The following FBL variants were observed in gnomAD, a reference collection of about 807,000 sequenced individuals.
The protein encoded by FBL is rRNA 2'-O-methyltransferase fibrillarin.
A neutral mutation model predicts 42.2 loss-of-function variants in FBL; 10 were observed. The observed-to-expected ratio is 0.24, with a 90% CI of 0.15 to 0.40. The LOEUF is 0.40. Among genes scored for constraint, FBL ranks in the 10% least tolerant of loss-of-function variants. The probability of loss-of-function intolerance (pLI) is 1.00; values close to 1 mark genes in which losing one functional copy is unlikely to be tolerated. For missense variants in FBL, 351 were observed against 439.2 expected (o/e 0.80, Z 1.79); for synonymous variants, 165 against 165.4 (o/e 1.00, Z 0.02).
At chr19:39,839,569 T>A (rs991886885) in intron 4 of FBL, among the ~76,000 whole-genome samples, 1 of 147,308 alleles carries the variant, frequency 6.8e-6, no homozygotes, top group Non-Finnish European at 1.5e-5. Flanking sequence ...ACATGGCATA[T>A]GAGATGGTGA....
Position 39,846,336 on chromosome 19 carries a change from G to A in FBL, c.-36C>T, listed in dbSNP as rs749859989. ...GGTTTGTGCGGCTCCGGAGTCCGCG[G>A]CGTTCACAACTCCACGAGTCCGGGG... is the stretch of plus-strand genomic sequence containing the variant. On this transcript the variant is annotated 5_prime_UTR_variant, in exon 1 of 9. Coordinates refer to ENST00000221801, the MANE Select transcript of FBL (RefSeq NM_001436.4). 2 of 1,612,366 alleles carry A rather than the reference G, an allele frequency of 1.2e-6. No individual in the cohort carries two copies. Among genetic ancestry groups the A allele is most frequent in the East Asian group, 2.2e-5 (1 of 44,786 alleles).
At chr19:39,846,266 C>A (rs770428417) in intron 1 of FBL, 25 bp downstream of exon 1, 8 of 1,613,568 alleles carry the variant, frequency 5.0e-6, no homozygotes, top group African/African-American at 1.3e-5. Flanking sequence ...CCGTCCCTGA[C>A]CCCGGACCCT....
Position 39,837,740 on chromosome 19 carries a change from C to T in FBL, c.653G>A (p.Arg218Gln), listed in dbSNP as rs754522515. ...GAGCATGCGGTATTTGTGTGGGTGT[C>T]GAGCATCCTCGATCACAGGAATGAT... is the stretch of plus-strand genomic sequence containing the variant. ...TNIIPVIEDA[R>Q]HPHKYRMLIA... The change falls in exon 6 of 9, where the codon CGA becomes CAA. Residue 218 changes from arginine (R) to glutamine (Q), a missense_variant. Coordinates refer to ENST00000221801, the MANE Select transcript of FBL (RefSeq NM_001436.4). 4 of 1,590,306 alleles carry T rather than the reference C, an allele frequency of 2.5e-6. No homozygotes were observed. The highest frequency in any genetic ancestry group is 1.8e-5 in the Admixed American group (1 of 56,924).
At chr19:39,837,935 C>G in intron 5 of FBL, 92 bp from the exon 6 acceptor site, 1 of 1,035,432 alleles carries the variant, frequency 9.7e-7, no homozygotes, top group Non-Finnish European at 1.4e-6. Context: ...AGCATCTCTT[C>G]CAACCCCCAA....
At position 39,839,074 on chromosome 19, in the gene FBL, C is replaced by T. The variant is rs1403528330; in HGVS notation, c.510G>A (p.Ser170=). ...CAGAGACATGGGAGACCGTGGTGCC[C>T]GAGGCAGCCCCGAGGTAGAGAACCT... ...GAKVLYLGAA[S]GTTVSHVSDI... is the part of the protein sequence containing the mutation. The change falls in exon 5 of 9, where the codon TCG becomes TCA. Residue 170 remains serine (S), a synonymous_variant. Transcript: ENST00000221801. The T allele has an allele frequency of 2.2e-5, 35 of 1,613,954 alleles. No individual in the cohort carries two copies. Among genetic ancestry groups the T allele is most frequent in the African/African-American group, 8.0e-5 (6 of 75,048 alleles).
chr19:39,836,978 TG>T (rs1271639412), intron 6 of FBL, among the ~76,000 whole-genome samples: 1 of 151,950 alleles, frequency 6.6e-6, no homozygotes, highest in Non-Finnish European at 1.5e-5. Context: ...CCAGGTCTGG[TG>T]GGGAGACAGA....
Position 39,840,742 on chromosome 19 carries a change from C to T in FBL, c.56G>A (p.Gly19Asp). Residue 19 changes from glycine (G) to aspartate (D), a missense_variant, in exon 2 of 9, where the codon GGT becomes GAT. By Grantham distance (94) the Gly-to-Asp change is moderately conservative (BLOSUM62 -1). Coordinates refer to ENST00000221801, the MANE Select transcript of FBL (RefSeq NM_001436.4). This position sits in a 1 kb window ranked among gnomAD's most constrained non-coding sequence, Gnocchi z 4.5. ...TCGGCCTCCACGACCACCACGGTCA[C>T]CAAAGCCCCCTCGGCCGCCAAAGCC... is the stretch of plus-strand genomic sequence containing the variant. Reference protein sequence around the residue: ...GGGFGGRGGFGDRGGRGGRGG... With the variant: ...GGGFGGRGGFDDRGGRGGRGG... 1.3e-6 allele frequency: 2 copies of T among 1,575,426 alleles called. No individual in the cohort carries two copies. Among genetic ancestry groups the T allele is most frequent in the Middle Eastern group, 3.3e-4 (2 of 6,010 alleles).
chr19:39,836,486 C>T, intron 7 of FBL, 70 bp downstream of exon 7: 2 of 998,944 alleles, frequency 2.0e-6, no homozygotes, highest in South Asian at 3.1e-5. Context: ...GGCTATTTGA[C>T]AGATACAGAT....
Position 39,837,722 on chromosome 19 carries a change from C to A in FBL, c.671G>T (p.Arg224Leu). 1.9e-6 allele frequency: 3 copies of A among 1,578,632 alleles called. No homozygotes were observed. The highest frequency in any genetic ancestry group is 2.6e-6 in the Non-Finnish European group (3 of 1,164,040). Reference sequence around the variant, plus strand: ...CCCAGACCCCTCACCGATGAGCATGCGGTATTTGTGTGGGTGTCGAGCATC... The same window carrying A: ...CCCAGACCCCTCACCGATGAGCATGAGGTATTTGTGTGGGTGTCGAGCATC... Reference protein sequence around the residue: ...IEDARHPHKYRMLIAMVDVIF... With the variant: ...IEDARHPHKYLMLIAMVDVIF... The change falls in exon 6 of 9, where the codon CGC becomes CTC. Residue 224 changes from arginine (R) to leucine (L), a missense_variant. Transcript: ENST00000221801.
chr19:39,845,816 G>A (rs947574966), intron 1 of FBL, among the ~76,000 whole-genome samples: 1 of 152,194 alleles, frequency 6.6e-6, no homozygotes, highest in African/African-American at 2.4e-5. Context: ...CTGGGATGCG[G>A]GATAAGGGGA....
chr19:39,839,262 C>A, intron 4 of FBL, 57 bp from the exon 5 acceptor site: 2 of 1,437,126 alleles, frequency 1.4e-6, no homozygotes, highest in Non-Finnish European at 9.5e-7. Context: ...GACCTCACTG[C>A]CTTTAACCCT....
chr19:39,836,604 A>G lies in FBL; in HGVS notation c.747T>C (p.Asn249=). 6.2e-7 allele frequency: 1 copy of G among 1,614,182 alleles called. No individual in the cohort carries two copies. The highest frequency in any genetic ancestry group is 8.5e-7 in the Non-Finnish European group (1 of 1,180,006). Reference sequence around the variant, plus strand: ...CTCCATTACGCAGGAAGGTGTGGGCATTCAGGGCCACAATCCGGGTCTGGT... The same window carrying G: ...CTCCATTACGCAGGAAGGTGTGGGCGTTCAGGGCCACAATCCGGGTCTGGT... The part of the protein sequence containing the change: ...QPDQTRIVAL[N]AHTFLRNGGH... The change falls in exon 7 of 9, where the codon AAT becomes AAC. Residue 249 remains asparagine (N), a synonymous_variant. Coordinates refer to ENST00000221801, the MANE Select transcript of FBL (RefSeq NM_001436.4).
chr19:39,839,874 C>CG (rs1969123960), intron 4 of FBL, among the ~76,000 whole-genome samples: 1 of 152,006 alleles, frequency 6.6e-6, no homozygotes, highest in African/African-American at 2.4e-5. Flanking sequence ...AGTGGTGTGA[C>CG]GCAGCCTGGA....
Position 39,840,648 on chromosome 19 carries a change from G to GCCTCCA in FBL, c.144_149dup (p.Gly57_Gly58dup). ...TTCCTCCTCCTCCACCGCCGCCGCC[G>GCCTCCA]CCTCCACCTCCTCCTCGTCCACGAC... On this transcript the variant is annotated inframe_insertion, in exon 2 of 9. Coordinates refer to ENST00000221801, the MANE Select transcript of FBL (RefSeq NM_001436.4). This position sits in a 1 kb window ranked among gnomAD's most constrained non-coding sequence, Gnocchi z 4.5. 1 of 1,610,748 alleles carries GCCTCCA rather than the reference G, an allele frequency of 6.2e-7. No homozygotes were observed.
intron 7 of FBL, 80 bp downstream of exon 7, chr19:39,836,475 TG>T: frequency 1.2e-6 from 1 of 868,402 alleles, no homozygotes; most frequent in Non-Finnish European, 1.8e-6. Flanking sequence ...CTGTTTTGGG[TG>T]GCTATTTGAC....
At chr19:39,837,256 G>A (rs1055341945) in intron 6 of FBL, among the ~76,000 whole-genome samples, 3 of 152,162 alleles carry the variant, frequency 2.0e-5, no homozygotes, top group African/African-American at 7.2e-5. Flanking sequence ...AGTTACTTCT[G>A]GCGGTGGTTT....
Position 39,834,464 on chromosome 19 carries a change from T to G in FBL, c.*74A>C, listed in dbSNP as rs1307994954. On this transcript the variant is annotated 3_prime_UTR_variant, in exon 9 of 9. Coordinates refer to ENST00000221801, the MANE Select transcript of FBL (RefSeq NM_001436.4). ...ATGAGCAGCAGACATGGGAGACGGA[T>G]GAGTCTTTTAATAGAAAAACACACG... 9 of 1,542,446 alleles carry G rather than the reference T, an allele frequency of 5.8e-6. No homozygotes were observed. The East Asian group carries it at 2.0e-4, about 35-fold the overall frequency.
In FBL at chr19:39,846,063, C is replaced by T. The variant is rs573121606; in HGVS notation, c.10+228G>A. Among the ~76,000 whole-genome samples the T allele has an allele frequency of 9.8e-5, 15 of 152,326 alleles. No homozygotes were observed. In the South Asian group the frequency reaches 1.5e-3, roughly 15 times the overall value. On this transcript the variant is annotated intron_variant, in intron 1 of 8. Coordinates refer to ENST00000221801, the MANE Select transcript of FBL (RefSeq NM_001436.4). The stretch of plus-strand genomic sequence containing the variant: ...CAATGAGACGAACCCCACGTCAACA[C>T]CCCCAATGCCAGGCCCACGGCCTTC...
chr19:39,837,567 C>T (rs1969073891), intron 6 of FBL, 144 bp downstream of exon 6: 1 of 742,056 alleles, frequency 1.3e-6, no homozygotes, highest in African/African-American at 1.8e-5. Context: ...CCTCACCTAG[C>T]TCCCCTTACC....
Sources: allele counts gnomAD v4.1 joint callset (sites outside exome capture counted in the v4.1 genomes callset), GRCh38; gene constraint gnomAD v4.1.1; non-coding constraint Gnocchi (gnomAD v3.1); transcripts MANE v1.5; gene names NCBI Gene and HGNC (gene_info 2026-07-23, HGNC 2026-07-21).